SYNJ1: variants seen among roughly 807,000 people sequenced by gnomAD.
SYNJ1 encodes synaptojanin 1, also known as polyphosphatidylinositol phosphatase SYNJ1.
SYNJ1 carries 78 observed loss-of-function variants against 168.2 expected under a neutral mutation model. The observed-to-expected ratio is 0.46, with a 90% confidence interval of 0.39 to 0.56. The LOEUF (loss-of-function observed/expected upper bound fraction) is 0.56, where lower values mean the gene tolerates loss of function less well. Among genes scored for constraint, SYNJ1 ranks in the 20% least tolerant of loss-of-function variants. The pLI is 0.00. For synonymous variants in SYNJ1, 539 were observed against 548.6 expected (o/e 0.98, Z 0.24); for missense variants, 1,303 against 1,597.6 (o/e 0.82, Z 3.14).
intron 13 of SYNJ1, among the ~76,000 whole-genome samples, chr21:32,674,297 C>T (rs191069878): frequency 1.8e-4 from 27 of 152,368 alleles, no homozygotes; most frequent in African/African-American, 4.8e-4. Context: ...TCTTCCCGCA[C>T]ATCCTTCAAG....
In SYNJ1 at chr21:32,695,282, C is replaced by G; in HGVS notation, c.480G>C (p.Trp160Cys). 1 of 1,612,052 alleles carries G rather than the reference C, an allele frequency of 6.2e-7. No homozygotes were observed. The highest frequency in any genetic ancestry group is 1.1e-5 in the South Asian group (1 of 90,732). The change falls in exon 5 of 33, where the codon TGG (tryptophan) becomes TGC (cysteine). Residue 160 changes from tryptophan (W) to cysteine (C), a missense_variant and splice_region_variant. This residue lies in a region of SYNJ1 where 920 missense variants were observed against 1,208.8 expected (regional missense o/e 0.76). Coordinates refer to ENST00000674351, the MANE Select transcript of SYNJ1 (RefSeq NM_203446.3). ...QEQTTDNRFF[W>C]NQSLHLHLKH... ...TGAGATGCAAATGCAAAGACTGATT[C>G]CTAATAGGAAAAGAAATAAATGATT...
At position 32,631,062 on chromosome 21, in the gene SYNJ1, G is replaced by C. The variant is rs1352834939; in HGVS notation, c.*743C>G. 22 of 1,614,074 alleles carry C rather than the reference G, an allele frequency of 1.4e-5. No homozygotes were observed. Among genetic ancestry groups the C allele is most frequent in the Non-Finnish European group, 1.9e-5 (22 of 1,180,048 alleles). ...CAAGGTCGTGAAAGGATCTACTGGA[G>C]GGCTGGTGCCGGGCGGGAGCAGAGG... On this transcript the variant is annotated 3_prime_UTR_variant, in exon 33 of 33. Coordinates refer to ENST00000674351, the MANE Select transcript of SYNJ1 (RefSeq NM_203446.3).
chr21:32,662,930 G>A (rs1193335506), intron 18 of SYNJ1, among the ~76,000 whole-genome samples: 1 of 152,166 alleles, frequency 6.6e-6, no homozygotes, highest in Non-Finnish European at 1.5e-5. Flanking sequence ...AATGGGGCTG[G>A]ACTGGATCCT....
intron 2 of SYNJ1, among the ~76,000 whole-genome samples, chr21:32,722,410 C>T (rs904312429): frequency 6.6e-6 from 1 of 151,454 alleles, no homozygotes; most frequent in Non-Finnish European, 1.5e-5. Context: ...ATTAGCTGGG[C>T]ATGTTGGTGT....
chr21:32,676,267 A>G (rs1158391683), intron 13 of SYNJ1, 65 bp downstream of exon 13: 22 of 1,324,904 alleles, frequency 1.7e-5, no homozygotes, highest in Non-Finnish European at 2.2e-5. Flanking sequence ...TTTGTTTACA[A>G]TATCGACTTC....
At chr21:32,650,146 C>A in intron 23 of SYNJ1, 38 bp downstream of exon 23, 1 of 1,560,112 alleles carries the variant, frequency 6.4e-7, no homozygotes, top group South Asian at 1.2e-5. Context: ...GAAAACATAT[C>A]TAGAACTACA....
intron 2 of SYNJ1, among the ~76,000 whole-genome samples, chr21:32,706,089 C>G (rs2042597765): frequency 6.6e-6 from 1 of 152,202 alleles, no homozygotes; most frequent in Non-Finnish European, 1.5e-5. Flanking sequence ...TGCTGCAATA[C>G]TCCTGCCAGA....
At chr21:32,695,013 C>T in intron 5 of SYNJ1, 44 bp downstream of exon 5, 1 of 1,515,176 alleles carries the variant, frequency 6.6e-7, no homozygotes, top group Non-Finnish European at 9.0e-7. Context: ...TTCTGTGCTT[C>T]TCCTATAATA....
intron 2 of SYNJ1, among the ~76,000 whole-genome samples, chr21:32,720,183 G>C (rs747700240): frequency 1.3e-5 from 2 of 152,170 alleles, no homozygotes; most frequent in Non-Finnish European, 2.9e-5. Flanking sequence ...AGGTTGCAGT[G>C]AGCCGAGATC....
intron 6 of SYNJ1, among the ~76,000 whole-genome samples, chr21:32,689,208 C>T (rs1045331207): frequency 3.9e-5 from 6 of 152,184 alleles, no homozygotes; most frequent in Non-Finnish European, 7.3e-5. Context: ...CTCTCTGAGA[C>T]GTTGGAATGA....
At position 32,678,497 on chromosome 21, in the gene SYNJ1, T is replaced by C; in HGVS notation, c.1510+148A>G. 6.1e-6 allele frequency: 5 copies of C among 813,746 alleles called. No homozygotes were observed. In the South Asian group the frequency reaches 9.3e-5, roughly 15 times the overall value. 50.4% of individuals were successfully genotyped at this position (813,746 alleles called of 1,614,324 possible). On this transcript the variant is annotated intron_variant, in intron 12 of 32. Transcript: ENST00000674351. Reference sequence around the variant, plus strand: ...ATATTTTAAAACAGACAAACTTCCCTTGGAGAATGTACTTTTCAAAAATTA... The same window carrying C: ...ATATTTTAAAACAGACAAACTTCCCCTGGAGAATGTACTTTTCAAAAATTA...
Position 32,699,989 on chromosome 21 carries a change from A to T in SYNJ1, c.328T>A (p.Ser110Thr), listed in dbSNP as rs1218210171. 1 of 1,614,112 alleles carries T rather than the reference A, an allele frequency of 6.2e-7. No homozygotes were observed. Among genetic ancestry groups the T allele is most frequent in the Non-Finnish European group, 8.5e-7 (1 of 1,180,044 alleles). ...TCTGAAATGCGATCCTCATCTGAAG[A>T]ATCGATTCGCAGTGATATAAACTCA... Reference protein sequence around the residue: ...STEFISLRIDSSDEDRISEVR... With the variant: ...STEFISLRIDTSDEDRISEVR... Residue 110 changes from serine (S) to threonine (T), a missense_variant, in exon 4 of 33, where the codon TCT becomes ACT. Transcript: ENST00000674351.
At chr21:32,631,960 C>G (rs1020078713) in intron 32 of SYNJ1, among the ~76,000 whole-genome samples, 159 bp from the exon 33 acceptor site, 3 of 152,192 alleles carry the variant, frequency 2.0e-5, no homozygotes, top group Non-Finnish European at 4.4e-5. Flanking sequence ...GTTTAAATAA[C>G]ATGAAACACC....
At chr21:32,671,992 G>C (rs1309002590) in intron 14 of SYNJ1, among the ~76,000 whole-genome samples, 3 of 140,826 alleles carry the variant, frequency 2.1e-5, no homozygotes, top group Admixed American at 7.5e-5. Context: ...TCGGGAGGTA[G>C]AGGTTGCAGT....
chr21:32,700,720 C>T (rs1601471177), intron 3 of SYNJ1, among the ~76,000 whole-genome samples: 1 of 152,114 alleles, frequency 6.6e-6, no homozygotes, highest in East Asian at 1.9e-4. Context: ...GTATGTGTTA[C>T]CTTCTCTACT....
chr21:32,681,234 C>T (rs931122196), intron 11 of SYNJ1, among the ~76,000 whole-genome samples: 1 of 152,124 alleles, frequency 6.6e-6, no homozygotes, highest in Admixed American at 6.5e-5. Context: ...CAATATATAT[C>T]ATCTTAGTGG....
intron 21 of SYNJ1, chr21:32,654,074 T>C (rs2040373186): frequency 6.6e-6 from 1 of 152,142 alleles, no homozygotes; most frequent in Non-Finnish European, 1.5e-5. Flanking sequence ...GAACAAATTA[T>C]GATGTTATCA....
intron 3 of SYNJ1, among the ~76,000 whole-genome samples, chr21:32,701,721 C>T (rs1601475451): frequency 6.6e-6 from 1 of 152,116 alleles, no homozygotes; most frequent in East Asian, 1.9e-4. Flanking sequence ...CTTATCTCTT[C>T]AAGTGGTCAA....
chr21:32,640,467 T>C (rs2039784795), intron 29 of SYNJ1, among the ~76,000 whole-genome samples: 1 of 152,082 alleles, frequency 6.6e-6, no homozygotes, highest in Non-Finnish European at 1.5e-5. Flanking sequence ...GGCTAATTTT[T>C]TGTATTTTTA....
Sources: gnomAD v4.1 joint callset for allele counts (sites outside exome capture counted in the v4.1 genomes callset) on GRCh38, gnomAD v4.1.1 for gene constraint, gnomAD v4.1.1 regional missense constraint, MANE v1.5 for transcripts, NCBI Gene and HGNC (gene_info 2026-07-23, HGNC 2026-07-21) for gene names.